NRIP1: variants seen among roughly 807,000 people sequenced by gnomAD.
NRIP1 encodes the protein nuclear receptor interacting protein 1.
In NRIP1, 28 loss-of-function variants were observed where a neutral mutation model predicts 75.0. The ratio of observed to expected loss-of-function variants is 0.37; its 90% CI spans 0.28 to 0.51. The LOEUF is 0.51. Among genes scored for constraint, NRIP1 ranks in the 20% least tolerant of loss-of-function variants. The pLI is 0.92. For synonymous variants in NRIP1, 526 were observed against 487.6 expected (o/e 1.08, Z -1.04); for missense variants, 1,435 against 1,343.7 (o/e 1.07, Z -1.06).
rs776862821 is a variant in NRIP1 at position 14,964,817 on chromosome 21, T to C, written c.3376A>G (p.Asn1126Asp). 2.5e-6 allele frequency: 4 copies of C among 1,613,138 alleles called. No individual in the cohort carries two copies. The highest frequency in any genetic ancestry group is 1.3e-5 in the African/African-American group (1 of 74,818). Residue 1126 changes from asparagine to aspartate, a missense_variant, in exon 4 of 4, where the codon AAT becomes GAT. Asn to Asp is a conservative substitution (Grantham distance 23). Transcript: ENST00000318948. ...GAAGCATTATTTCCCATATGGCTAT[T>C]GTAAGGGCTTCTTAAATTAAAGAAA... ...ASFFNLRSPY[N>D]SHMGNNASRP... is the part of the protein sequence containing the mutation.
intron 3 of NRIP1, among the ~76,000 whole-genome samples, chr21:14,972,439 C>CGTTTTAAGGTTAAAATGTT (rs2086928461): frequency 6.6e-6 from 1 of 151,996 alleles, no homozygotes. Context: ...AATAAATAGA[C>CGTTTTAAGGTTAAAATGTT]GTTTTAAGGT....
At chr21:15,016,374 T>C (rs2088228905) in intron 2 of NRIP1, among the ~76,000 whole-genome samples, 1 of 152,152 alleles carries the variant, frequency 6.6e-6, no homozygotes, top group South Asian at 2.1e-4. Context: ...CCTATTAGAA[T>C]GTGGTAGGGA....
chr21:15,003,654 T>C (rs573027432), intron 3 of NRIP1, among the ~76,000 whole-genome samples: 2 of 152,242 alleles, frequency 1.3e-5, no homozygotes, highest in East Asian at 3.9e-4. Context: ...TCCACCACCA[T>C]TTGTCAGCAG....
intron 3 of NRIP1, among the ~76,000 whole-genome samples, chr21:14,988,421 TTAGA>T (rs3075987): frequency 0.62 from 90,412 of 145,554 alleles, 28,047 homozygotes; most frequent in South Asian, 0.71. Flanking sequence ...TCTTTTGTCT[TTAGA>T]TAGATAGATA....
At chr21:15,024,998 T>C (rs1426297093) in intron 2 of NRIP1, among the ~76,000 whole-genome samples, 2 of 151,102 alleles carry the variant, frequency 1.3e-5, no homozygotes, top group Admixed American at 6.6e-5. Flanking sequence ...AAGAAAAGGG[T>C]GGTTTGAGGT....
chr21:14,974,335 C>T (rs764296934), intron 3 of NRIP1: 3 of 152,046 alleles, frequency 2.0e-5, no homozygotes, highest in Non-Finnish European at 4.4e-5. Context: ...TTTAAAAGGA[C>T]TCTTGGGTCT....
At chr21:15,054,180 C>G (rs1346690891) in intron 1 of NRIP1, among the ~76,000 whole-genome samples, 1 of 152,152 alleles carries the variant, frequency 6.6e-6, no homozygotes, top group Non-Finnish European at 1.5e-5. Flanking sequence ...ATCAACTGTT[C>G]TTGATACCCT....
In NRIP1 at chr21:14,966,418, G is replaced by A. The variant is rs1205602181; in HGVS notation, c.1775C>T (p.Thr592Ile). The A allele has an allele frequency of 6.2e-7, 1 of 1,613,952 alleles. No homozygotes were observed. Among genetic ancestry groups the A allele is most frequent in the Non-Finnish European group, 8.5e-7 (1 of 1,179,966 alleles). Residue 592 changes from threonine (T) to isoleucine (I), a missense_variant, in exon 4 of 4, where the codon ACA (threonine) becomes ATA (isoleucine). Coordinates refer to ENST00000318948, the MANE Select transcript of NRIP1 (RefSeq NM_003489.4). ...YVCSTQSEKL[T>I]NTASNHSMDL... ...CATTGAGTGGTTAGATGCAGTATTT[G>A]TTAGCTTTTCAGACTGAGTACTGCA...
chr21:14,964,657 G>C lies in NRIP1; in HGVS notation c.*59C>G. The C allele has an allele frequency of 8.0e-7, 1 of 1,253,294 alleles. No individual in the cohort carries two copies. Among genetic ancestry groups the C allele is most frequent in the Non-Finnish European group, 1.1e-6 (1 of 908,192 alleles). The allele number at this position is 1,253,294 out of a possible 1,614,324, so 77.6% of individuals were successfully genotyped here. ...TTCAAATCATGCTCTTATTTATACA[G>C]ATCTCAAGTTCATACTCATTAGTTT... On this transcript the variant is annotated 3_prime_UTR_variant, in exon 4 of 4. Coordinates refer to ENST00000318948, the MANE Select transcript of NRIP1 (RefSeq NM_003489.4).
rs2086764051 is a variant in NRIP1, at chr21:14,966,877, A to G, written c.1316T>C (p.Val439Ala). ...GTGTTTGCAAGACAAGTCTATGGGA[A>G]CACAGTTGGAATAAGAACTTTCATC... ...SGDESSYSNC[V>A]PIDLSCKHRT... is the part of the protein sequence containing the mutation. Residue 439 changes from valine (V) to alanine (A), a missense_variant, in exon 4 of 4, where the codon GTT (valine) becomes GCT (alanine). Coordinates refer to ENST00000318948, the MANE Select transcript of NRIP1 (RefSeq NM_003489.4). The G allele has an allele frequency of 1.9e-6, 3 of 1,614,106 alleles. No homozygotes were observed. The highest frequency in any genetic ancestry group is 2.5e-6 in the Non-Finnish European group (3 of 1,179,982).
chr21:14,973,279 GA>G (rs1221850447), intron 3 of NRIP1, among the ~76,000 whole-genome samples: 1 of 151,862 alleles, frequency 6.6e-6, no homozygotes, highest in Non-Finnish European at 1.5e-5. Context: ...AAAAAAAAGG[GA>G]AAAATACTAA....
intron 3 of NRIP1, among the ~76,000 whole-genome samples, chr21:14,979,872 T>TTGTTTGCTTGTTATA (rs2087183031): frequency 6.9e-6 from 1 of 145,520 alleles, no homozygotes; most frequent in Non-Finnish European, 1.5e-5. Flanking sequence ...GCACTTTTAT[T>TTGTTTGCTTGTTATA]TGTTTGCTTG....
intron 3 of NRIP1, among the ~76,000 whole-genome samples, chr21:14,985,367 G>T (rs1461683947): frequency 6.6e-6 from 1 of 152,128 alleles, no homozygotes; most frequent in Admixed American, 6.5e-5. Context: ...TTAATAAAAA[G>T]GCACAAAATT....
At chr21:15,050,965 C>A (rs770535769) in intron 1 of NRIP1, 1 of 451,246 alleles carries the variant, frequency 2.2e-6, no homozygotes, top group Non-Finnish European at 4.5e-6. Flanking sequence ...TATTACACAC[C>A]TATAGCTTAT....
At chr21:15,005,809 G>A (rs2087957432) in intron 3 of NRIP1, among the ~76,000 whole-genome samples, 1 of 152,102 alleles carries the variant, frequency 6.6e-6, no homozygotes, top group Non-Finnish European at 1.5e-5. Flanking sequence ...TATGTAAGCA[G>A]ACAATCACAA....
intron 1 of NRIP1, among the ~76,000 whole-genome samples, chr21:15,056,172 G>A (rs960762794): frequency 6.6e-6 from 1 of 151,892 alleles, no homozygotes; most frequent in African/African-American, 2.4e-5. Context: ...CTCTAAGATA[G>A]GTGTGCTTAA....
intron 2 of NRIP1, among the ~76,000 whole-genome samples, chr21:15,026,218 T>A (rs76435497): frequency 6.6e-6 from 1 of 152,120 alleles, no homozygotes; most frequent in Non-Finnish European, 1.5e-5. Flanking sequence ...TTTGAGTACA[T>A]AATGGGCATA....
intron 1 of NRIP1, chr21:15,052,244 A>G (rs150934236): frequency 6.6e-6 from 1 of 152,266 alleles, no homozygotes; most frequent in East Asian, 1.9e-4. Flanking sequence ...CCTAGCTCCA[A>G]TTCTTTAATC....
chr21:15,055,607 G>T (rs1026613327), intron 1 of NRIP1, among the ~76,000 whole-genome samples: 1 of 152,134 alleles, frequency 6.6e-6, no homozygotes, highest in African/African-American at 2.4e-5. Context: ...CCTTTGTGGG[G>T]TTAGCTTGGA....
Sources: gnomAD v4.1 joint callset for allele counts (sites outside exome capture counted in the v4.1 genomes callset) on GRCh38, gnomAD v4.1.1 for gene constraint, MANE v1.5 for transcripts, NCBI Gene and HGNC (gene_info 2026-07-23, HGNC 2026-07-21) for gene names.